The following TRAPPC9 variants were observed in gnomAD, a reference collection of about 807,000 sequenced individuals.
TRAPPC9 encodes trafficking protein particle complex subunit 9, also known as IKK2 binding protein.
TRAPPC9 carries 83 observed loss-of-function variants against 124.0 expected under a neutral mutation model. The ratio of observed to expected loss-of-function variants is 0.67; its 90% CI spans 0.56 to 0.80. The LOEUF (loss-of-function observed/expected upper bound fraction) is 0.80. TRAPPC9 is among the 30% of genes least tolerant of loss of function. The probability of loss-of-function intolerance (pLI) is 0.00; values close to 1 mark genes in which losing one functional copy is unlikely to be tolerated. For synonymous variants in TRAPPC9, 638 were observed against 617.5 expected, an observed-to-expected ratio of 1.03 and a Z score of -0.49; for missense variants, 1,302 against 1,508.3, an observed-to-expected ratio of 0.86 and a Z score of 2.27.
chr8:140,270,915 C>G (rs2064858249), intron 15 of TRAPPC9, among the ~76,000 whole-genome samples: 1 of 152,204 alleles, frequency 6.6e-6, no homozygotes, highest in South Asian at 2.1e-4. Flanking sequence ...ACAGCAGCCA[C>G]TCATGGATTT....
intron 17 of TRAPPC9, among the ~76,000 whole-genome samples, chr8:140,132,646 C>T (rs2061228604): frequency 6.6e-6 from 1 of 152,176 alleles, no homozygotes; most frequent in South Asian, 2.1e-4. Context: ...ACCGAAAAGA[C>T]CTTAGCCCTG....
At chr8:140,225,205 T>G (rs1032081909) in intron 16 of TRAPPC9, among the ~76,000 whole-genome samples, 1 of 152,242 alleles carries the variant, frequency 6.6e-6, no homozygotes, top group Non-Finnish European at 1.5e-5. Context: ...AAGACTGAAT[T>G]CTTGTCAGAT....
chr8:140,147,337 T>C (rs576743015), intron 17 of TRAPPC9, among the ~76,000 whole-genome samples: 108 of 152,324 alleles, frequency 7.1e-4, no homozygotes, highest in Admixed American at 1.8e-3. Context: ...TAGATTTAAG[T>C]GAATTCCTTT....
rs1215050342 is a variant in TRAPPC9, at chr8:139,814,291, T to C, written c.3055+71588A>G. Among the ~76,000 whole-genome samples the C allele has an allele frequency of 1.3e-5, 2 of 152,176 alleles. 1 individual carries two copies. Among genetic ancestry groups the C allele is most frequent in the Admixed American group, 1.3e-4 (2 of 15,288 alleles). ...CGAGCTGGGCCTGTTTCCATGCCAA[T>C]GGCCTTCCCCGTGGAGACACGGCGA... is the stretch of plus-strand genomic sequence containing the variant. On this transcript the variant is annotated intron_variant, in intron 21 of 22. Transcript: ENST00000438773.
chr8:139,755,809 G>T (rs1488287873), intron 21 of TRAPPC9, among the ~76,000 whole-genome samples: 183 of 89,570 alleles, frequency 2.0e-3, no homozygotes, highest in African/African-American at 5.9e-3. Context: ...AGCCAGGGTT[G>T]GGGTATAAGG....
intron 21 of TRAPPC9, among the ~76,000 whole-genome samples, chr8:139,735,864 C>T (rs1378311172): frequency 2.0e-5 from 3 of 152,136 alleles, no homozygotes; most frequent in Non-Finnish European, 4.4e-5. Flanking sequence ...GCTGGTGGAA[C>T]CTTTCTTTGC....
At chr8:139,890,983 G>A (rs1489009578) in intron 20 of TRAPPC9, among the ~76,000 whole-genome samples, 6 of 152,090 alleles carry the variant, frequency 3.9e-5, no homozygotes, top group Admixed American at 1.3e-4. Context: ...TGGCTGAAGC[G>A]AATGGGTCTC....
At chr8:139,797,817 G>T (rs147666965) in intron 21 of TRAPPC9, among the ~76,000 whole-genome samples, 144 of 152,292 alleles carry the variant, frequency 9.5e-4, no homozygotes, top group African/African-American at 3.3e-3. Flanking sequence ...TAAATGCAAG[G>T]GTTGGTTTCT....
At chr8:139,837,905 T>C (rs1421864824) in intron 21 of TRAPPC9, among the ~76,000 whole-genome samples, 1 of 152,068 alleles carries the variant, frequency 6.6e-6, no homozygotes, top group Non-Finnish European at 1.5e-5. Context: ...CCTGGCCCGG[T>C]GGCTACACTG....
rs928571020 is a variant in TRAPPC9, at chr8:140,142,891, C to G, written c.2556+78568G>C. Among the ~76,000 whole-genome samples, 2 of 44,680 alleles carry G rather than the reference C, an allele frequency of 4.5e-5. 1 individual carries two copies. Among genetic ancestry groups the G allele is most frequent in the African/African-American group, 2.0e-4 (2 of 9,906 alleles). The allele number at this position is 44,680 out of a possible 152,430, so 29.3% of individuals were successfully genotyped here. A position where few individuals can be genotyped will look rare whatever the true frequency, so the allele number is the denominator to read the frequency against. On this transcript the variant is annotated intron_variant, in intron 17 of 22. Coordinates refer to ENST00000438773, the MANE Select transcript of TRAPPC9 (RefSeq NM_001160372.4). ...ATCACAGAGTAAAAGAAAAATGCCT[C>G]GCACCTGGTAGTGTCCAACTTGTGA... is the stretch of plus-strand genomic sequence containing the variant.
chr8:139,901,632 T>A (rs533814793), intron 20 of TRAPPC9, among the ~76,000 whole-genome samples: 1 of 152,308 alleles, frequency 6.6e-6, no homozygotes, highest in South Asian at 2.1e-4. Flanking sequence ...CATGGGGCGA[T>A]GGGTACCAAT....
At chr8:139,966,785 T>G (rs1299174341) in intron 19 of TRAPPC9, among the ~76,000 whole-genome samples, 1 of 152,164 alleles carries the variant, frequency 6.6e-6, no homozygotes, top group African/African-American at 2.4e-5. Context: ...AGTACACACG[T>G]GCATCAATAC....
chr8:139,915,359 G>A (rs557153238), intron 19 of TRAPPC9, among the ~76,000 whole-genome samples: 1 of 152,246 alleles, frequency 6.6e-6, no homozygotes, highest in East Asian at 1.9e-4. Flanking sequence ...CGATTCTCGT[G>A]CCTCAGCCTC....
At chr8:140,170,947 A>G (rs1426904674) in intron 17 of TRAPPC9, among the ~76,000 whole-genome samples, 3 of 152,242 alleles carry the variant, frequency 2.0e-5, no homozygotes, top group Non-Finnish European at 4.4e-5. Context: ...ATGAAGACAG[A>G]GAAGTGCACA....
At chr8:139,996,000 A>G (rs1837940761) in intron 18 of TRAPPC9, among the ~76,000 whole-genome samples, 1 of 151,656 alleles carries the variant, frequency 6.6e-6, no homozygotes. Flanking sequence ...ATATCAAGTC[A>G]TGAGGAAAAA....
intron 16 of TRAPPC9, among the ~76,000 whole-genome samples, chr8:140,232,568 T>C (rs6578084): frequency 0.72 from 108,742 of 152,044 alleles, 39,136 homozygotes; most frequent in Admixed American, 0.76. Flanking sequence ...GAGCACTAGA[T>C]ATGGAGTCGA....
At chr8:140,420,193 T>C (rs1212270656) in intron 5 of TRAPPC9, among the ~76,000 whole-genome samples, 1 of 152,092 alleles carries the variant, frequency 6.6e-6, no homozygotes, top group Non-Finnish European at 1.5e-5. Context: ...ACTCAAAACA[T>C]TGGCTAAAAA....
chr8:140,045,308 G>A (rs1283835942), intron 17 of TRAPPC9, among the ~76,000 whole-genome samples: 1 of 152,184 alleles, frequency 6.6e-6, no homozygotes, highest in East Asian at 1.9e-4. Context: ...AGCATTAAAT[G>A]AGCACAAGGA....
chr8:140,034,629 A>T (rs1840759567), intron 17 of TRAPPC9, among the ~76,000 whole-genome samples: 1 of 152,218 alleles, frequency 6.6e-6, no homozygotes, highest in South Asian at 2.1e-4. Context: ...GAATGACAGC[A>T]TCTTCACAAC....
Sources: allele counts gnomAD v4.1 joint callset (sites outside exome capture counted in the v4.1 genomes callset), GRCh38; gene constraint gnomAD v4.1.1; transcripts MANE v1.5; gene names NCBI Gene and HGNC (gene_info 2026-07-23, HGNC 2026-07-21).